Variants in EPB41 observed in about 807,000 individuals in gnomAD.
The protein encoded by EPB41 is erythrocyte membrane protein band 4.1.
In EPB41, 65 loss-of-function variants were observed where a neutral mutation model predicts 108.0. The ratio of observed to expected loss-of-function variants is 0.60; its 90% CI spans 0.49 to 0.74. EPB41 has a LOEUF of 0.74. Ranked by LOEUF, EPB41 falls within the 30% of genes least tolerant of loss-of-function variation. The pLI, the probability that EPB41 is intolerant of heterozygous loss-of-function variation, is 0.00. For synonymous variants in EPB41, 336 were observed against 358.9 expected (o/e 0.94, Z 0.72); for missense variants, 875 against 1,037.0 (o/e 0.84, Z 2.15).
chr1:29,062,292 GC>G (rs760969457), intron 15 of EPB41, among the ~76,000 whole-genome samples: 1 of 152,164 alleles, frequency 6.6e-6, no homozygotes, highest in Non-Finnish European at 1.5e-5. Flanking sequence ...CGTCTTCAGT[GC>G]TTCCTCTTAA....
intron 16 of EPB41, chr1:29,069,187 G>A (rs1251944329): frequency 4.9e-6 from 6 of 1,230,968 alleles, no homozygotes; most frequent in Non-Finnish European, 6.1e-6. Flanking sequence ...CTTTCTCCCT[G>A]ATACATATCA....
At chr1:29,030,052 G>T (rs1156579042) in intron 7 of EPB41, among the ~76,000 whole-genome samples, 4 of 152,164 alleles carry the variant, frequency 2.6e-5, no homozygotes, top group African/African-American at 9.7e-5. Flanking sequence ...ATTAGCGGGA[G>T]GAGCTTATGT....
Position 29,053,210 on chromosome 1 carries a change from A to T in EPB41, c.1743A>T (p.Lys581Asn), listed in dbSNP as rs773637980. 6 of 1,614,200 alleles carry T rather than the reference A, an allele frequency of 3.7e-6. No homozygotes were observed. In the South Asian group the frequency reaches 6.6e-5, roughly 18 times the overall value. Residue 581 changes from lysine to asparagine, a missense_variant, in exon 12 of 21, where the codon AAA becomes AAT. Lys to Asn is a moderately conservative substitution (Grantham distance 94, BLOSUM62 0). This residue lies in a region of EPB41 where 519 missense variants were observed against 627.3 expected (regional missense o/e 0.83). Transcript: ENST00000343067. The part of the protein sequence containing the change: ...EGGVLDASAK[K>N]TVVPKAQKET... ...GCGTCCTAGATGCCTCTGCTAAAAAAACAGTGGTCCCTAAAGCACAGAAGG... is the reference window on the plus strand; with the variant it reads ...GCGTCCTAGATGCCTCTGCTAAAAATACAGTGGTCCCTAAAGCACAGAAGG...
At chr1:29,094,454 T>G (rs1013997477) in intron 16 of EPB41, among the ~76,000 whole-genome samples, 3 of 152,074 alleles carry the variant, frequency 2.0e-5, no homozygotes, top group Non-Finnish European at 4.4e-5. Context: ...TTTTTGTATT[T>G]TTGTAGAGGC....
rs1189958445 is a variant in EPB41 at position 29,115,413 on chromosome 1, A to G, written c.2497-286A>G. Among the ~76,000 whole-genome samples, 1 of 152,146 alleles carries G rather than the reference A, an allele frequency of 6.6e-6. No individual in the cohort carries two copies. Among genetic ancestry groups the G allele is most frequent in the Non-Finnish European group, 1.5e-5 (1 of 68,040 alleles). The stretch of plus-strand genomic sequence containing the variant: ...ATCTCAACAACAACAAAAAATAAAA[A>G]AAAAATAAAGGATCATATAACAGAT... On this transcript the variant is annotated intron_variant, in intron 19 of 20. Coordinates refer to ENST00000343067, the MANE Select transcript of EPB41 (RefSeq NM_001376013.1). The surrounding 1 kb of genome is among the most constrained non-coding windows in gnomAD (Gnocchi z 4.4).
intron 4 of EPB41, among the ~76,000 whole-genome samples, chr1:29,003,031 T>G (rs1309147662): frequency 1.3e-5 from 2 of 152,202 alleles, no homozygotes; most frequent in Non-Finnish European, 2.9e-5. Context: ...GTGACTCCAT[T>G]TTTGTTTGGC....
intron 1 of EPB41, among the ~76,000 whole-genome samples, chr1:28,976,693 C>T (rs1217020965): frequency 9.3e-6 from 1 of 107,160 alleles, no homozygotes; most frequent in Non-Finnish European, 1.8e-5. Flanking sequence ...ACCGTATCTC[C>T]CCCTGCTGCC....
chr1:29,098,950 C>G (rs759859789), intron 17 of EPB41, among the ~76,000 whole-genome samples: 5 of 150,878 alleles, frequency 3.3e-5, no homozygotes, highest in Non-Finnish European at 7.4e-5. Context: ...GTCTCGAACT[C>G]CTGACCTCAA....
chr1:28,902,395 A>G, intron 1 of EPB41: 2 of 984,994 alleles, frequency 2.0e-6, no homozygotes, highest in Non-Finnish European at 2.4e-6. Flanking sequence ...ATTGGTAATT[A>G]GCACTTAGGC....
chr1:28,934,506 A>G (rs763459531), intron 1 of EPB41, among the ~76,000 whole-genome samples: 1 of 152,112 alleles, frequency 6.6e-6, no homozygotes, highest in Non-Finnish European at 1.5e-5. Context: ...ATTTTTCCTC[A>G]TCTGTTCAAT....
rs151170647 is a variant in EPB41 at position 29,040,114 on chromosome 1, T to C, written c.1636+688T>C. Among the ~76,000 whole-genome samples the C allele has an allele frequency of 3.8e-3, 571 of 152,216 alleles. 6 individuals carry two copies. Among genetic ancestry groups the C allele is most frequent in the African/African-American group, 0.013 (531 of 41,550 alleles). On this transcript the variant is annotated intron_variant, in intron 11 of 20. Transcript: ENST00000343067. ...AACACAGGAGGCTGAGGCAGGAGGA[T>C]AGCTTGAGCCCAGGAGGTGGAGGCT...
intron 1 of EPB41, among the ~76,000 whole-genome samples, chr1:28,952,255 C>T (rs1193902748): frequency 1.3e-5 from 2 of 151,102 alleles, no homozygotes; most frequent in East Asian, 1.9e-4. Context: ...CGGCCGGGCA[C>T]GGTGGCTCAC....
At chr1:28,897,548 G>C (rs893557483) in intron 1 of EPB41, among the ~76,000 whole-genome samples, 1 of 147,332 alleles carries the variant, frequency 6.8e-6, no homozygotes, top group Non-Finnish European at 1.5e-5. Flanking sequence ...AACCCCTGTA[G>C]GTAGGTAGGT....
rs1573538812 is a variant in EPB41 at position 29,070,779 on chromosome 1, T to C, written c.2184+5621T>C. On this transcript the variant is annotated intron_variant, in intron 16 of 20. Coordinates refer to ENST00000343067, the MANE Select transcript of EPB41 (RefSeq NM_001376013.1). ...CAAATGTTACTCTTTGTAGAGTATG[T>C]ATTGTGGGGTACAAAGGAGTAGCAA... is the stretch of plus-strand genomic sequence containing the variant. 3.7e-6 allele frequency: 4 copies of C among 1,067,894 alleles called. No individual in the cohort carries two copies. In the East Asian group the frequency reaches 9.7e-5, roughly 26 times the overall value. 66.2% of individuals were successfully genotyped at this position (1,067,894 alleles called of 1,614,324 possible). A position where few individuals can be genotyped will look rare whatever the true frequency, so the allele number is the denominator to read the frequency against.
At chr1:28,920,922 C>T (rs964058584) in intron 1 of EPB41, among the ~76,000 whole-genome samples, 2 of 152,190 alleles carry the variant, frequency 1.3e-5, no homozygotes, top group Admixed American at 6.5e-5. Context: ...TGAGCCATGG[C>T]GCCCAGCCTA....
At chr1:28,989,713 G>T (rs2095960579) in intron 2 of EPB41, among the ~76,000 whole-genome samples, 1 of 152,062 alleles carries the variant, frequency 6.6e-6, no homozygotes, top group Admixed American at 6.6e-5. Context: ...CCGACTAGAG[G>T]GTTCAAATCG....
At chr1:29,109,224 AG>A in intron 17 of EPB41, 111 bp from the exon 18 acceptor site, 1 of 825,240 alleles carries the variant, frequency 1.2e-6, no homozygotes, top group Non-Finnish European at 2.1e-6. Flanking sequence ...GGTCATTCTA[AG>A]GGAATGAGAT....
intron 1 of EPB41, among the ~76,000 whole-genome samples, chr1:28,939,130 A>G (rs1383002018): frequency 1.3e-5 from 2 of 151,836 alleles, no homozygotes; most frequent in Non-Finnish European, 2.9e-5. Flanking sequence ...CTAGCTGTGG[A>G]TTTTTTTTAG....
intron 7 of EPB41, among the ~76,000 whole-genome samples, chr1:29,022,372 T>TAAAAAAAAAAAAAAAAAAAAAA (rs370103452): frequency 9.0e-6 from 1 of 111,544 alleles, no homozygotes; most frequent in Non-Finnish European, 1.9e-5. Flanking sequence ...ATTGATATAA[T>TAAAAAAAAAAAAAAAAAAAAAA]AAAAAAAAAA....
Sources: gnomAD v4.1 joint callset for allele counts (sites outside exome capture counted in the v4.1 genomes callset) on GRCh38, gnomAD v4.1.1 for gene constraint, gnomAD v4.1.1 regional missense constraint, Gnocchi (gnomAD v3.1) non-coding constraint, MANE v1.5 for transcripts, NCBI Gene and HGNC (gene_info 2026-07-23, HGNC 2026-07-21) for gene names.